The following ITPR1 variants were observed in gnomAD, a reference collection of about 807,000 sequenced individuals.
The protein encoded by ITPR1 is inositol 1,4,5-trisphosphate receptor type 1.
Under a neutral mutation model 318.4 loss-of-function variants are expected in ITPR1, and 96 were observed. That is an observed-to-expected ratio of 0.30 (90% confidence interval 0.26 to 0.36). The LOEUF (loss-of-function observed/expected upper bound fraction) is 0.36. ITPR1 is among the 10% of genes least tolerant of loss of function. The pLI, the probability that ITPR1 is intolerant of heterozygous loss-of-function variation, is 1.00. For synonymous variants in ITPR1, 1,312 were observed against 1,289.9 expected (o/e 1.02, Z -0.37); for missense variants, 2,440 against 3,460.2 (o/e 0.71, Z 7.40).
intron 4 of ITPR1, among the ~76,000 whole-genome samples, chr3:4,529,321 T>A (rs9784254): frequency 0.32 from 48,411 of 152,116 alleles, 8,960 homozygotes; most frequent in African/African-American, 0.51. Flanking sequence ...ATTGAATCAC[T>A]GTATTGCTTT....
intron 12 of ITPR1, among the ~76,000 whole-genome samples, chr3:4,655,776 C>G (rs2093693220): frequency 6.6e-6 from 1 of 152,152 alleles, no homozygotes; most frequent in African/African-American, 2.4e-5. Context: ...TAGACTGCAT[C>G]ACTCTGGCTA....
intron 10 of ITPR1, among the ~76,000 whole-genome samples, chr3:4,649,220 C>G (rs892360911): frequency 9.9e-5 from 15 of 152,186 alleles, no homozygotes; most frequent in African/African-American, 3.4e-4. Flanking sequence ...GTGCCTACTT[C>G]CATTGAGCTG....
At chr3:4,662,364 T>G (rs1462748121) in intron 15 of ITPR1, 122 bp downstream of exon 15, 1 of 767,728 alleles carries the variant, frequency 1.3e-6, no homozygotes, top group Non-Finnish European at 1.9e-6. Flanking sequence ...GGCCTTAGCA[T>G]TTATGGGTGG....
At chr3:4,730,873 C>T (rs766755303) in intron 42 of ITPR1, among the ~76,000 whole-genome samples, 2 of 152,172 alleles carry the variant, frequency 1.3e-5, no homozygotes, top group Non-Finnish European at 2.9e-5. Context: ...ATTCCCGTTG[C>T]GATGGCTACG....
At chr3:4,605,871 C>G (rs1398365388) in intron 4 of ITPR1, among the ~76,000 whole-genome samples, 1 of 152,118 alleles carries the variant, frequency 6.6e-6, no homozygotes, top group African/African-American at 2.4e-5. Flanking sequence ...TCTGCCTCCT[C>G]CAAGGTGAAA....
Position 4,675,231 on chromosome 3 carries a change from A to T in ITPR1, c.2762A>T (p.Asp921Val), listed in dbSNP as rs753192870. The T allele has an allele frequency of 1.2e-6, 2 of 1,610,334 alleles. No individual in the cohort carries two copies. Among genetic ancestry groups the T allele is most frequent in the Non-Finnish European group, 8.5e-7 (1 of 1,178,786 alleles). ...GGAGAAGAGAATAAAGGTAACAATGATGTGGAGAAGCTGAAGAGTGAGTAT... is the reference window on the plus strand; with the variant it reads ...GGAGAAGAGAATAAAGGTAACAATGTTGTGGAGAAGCTGAAGAGTGAGTAT... ...AKGEENKGNN[D>V]VEKLKSSNVM... is the part of the protein sequence containing the mutation. The change falls in exon 23 of 62, where the codon GAT (aspartate) becomes GTT (valine). Residue 921 changes from aspartate (D) to valine (V), a missense_variant. Transcript: ENST00000649015.
At chr3:4,773,462 A>G (rs2046311111) in intron 46 of ITPR1, among the ~76,000 whole-genome samples, 1 of 152,142 alleles carries the variant, frequency 6.6e-6, no homozygotes, top group African/African-American at 2.4e-5. Flanking sequence ...ATCCATAGAG[A>G]CTTGGTTGTT....
intron 12 of ITPR1, among the ~76,000 whole-genome samples, chr3:4,654,650 A>C (rs535530048): frequency 2.0e-5 from 3 of 152,226 alleles, no homozygotes. Flanking sequence ...CGATGATCTC[A>C]GCAGTGGGCA....
chr3:4,545,462 A>G (rs2084883449), intron 4 of ITPR1, among the ~76,000 whole-genome samples: 1 of 152,012 alleles, frequency 6.6e-6, no homozygotes, highest in African/African-American at 2.4e-5. Flanking sequence ...GTCTCTACAG[A>G]AAATAGAATA....
At chr3:4,612,297 G>C (rs2092175084) in intron 4 of ITPR1, among the ~76,000 whole-genome samples, 1 of 151,732 alleles carries the variant, frequency 6.6e-6, no homozygotes, top group African/African-American at 2.4e-5. Context: ...CCTGACCTCA[G>C]GTGATCCGCC....
chr3:4,501,104 C>T (rs1315919095), intron 2 of ITPR1, among the ~76,000 whole-genome samples: 6 of 151,814 alleles, frequency 4.0e-5, no homozygotes, highest in Non-Finnish European at 8.8e-5. Context: ...TCAAACGATC[C>T]TCTCGCCTTG....
chr3:4,748,924 G>A (rs747113326), intron 44 of ITPR1, among the ~76,000 whole-genome samples: 5 of 152,182 alleles, frequency 3.3e-5, no homozygotes, highest in Non-Finnish European at 5.9e-5. Flanking sequence ...CTCGCTGTTC[G>A]TACTGTAGAA....
intron 34 of ITPR1, 125 bp downstream of exon 34, chr3:4,697,397 A>C: frequency 1.2e-6 from 1 of 851,326 alleles, no homozygotes; most frequent in Non-Finnish European, 1.7e-6. Context: ...CATCATTTCT[A>C]CTCTAATCCG....
intron 48 of ITPR1, among the ~76,000 whole-genome samples, chr3:4,777,884 A>G (rs2046579818): frequency 6.6e-6 from 1 of 152,230 alleles, no homozygotes; most frequent in Admixed American, 6.5e-5. Flanking sequence ...AGGGTGGTTA[A>G]TAATGTTGGT....
chr3:4,615,150 A>C (rs6794384), intron 4 of ITPR1, among the ~76,000 whole-genome samples: 13,174 of 152,148 alleles, frequency 0.087, 1,865 homozygotes, highest in African/African-American at 0.3. Context: ...TCCCGTACTG[A>C]CACTTCTCCA....
At chr3:4,777,489 T>TC in intron 48 of ITPR1, 115 bp downstream of exon 48, 1 of 662,586 alleles carries the variant, frequency 1.5e-6, no homozygotes, top group Non-Finnish European at 2.7e-6. Context: ...AGATAGTTCT[T>TC]TAAATGAATG....
At chr3:4,650,950 T>C (rs1295712456) in intron 10 of ITPR1, among the ~76,000 whole-genome samples, 1 of 152,228 alleles carries the variant, frequency 6.6e-6, no homozygotes, top group Non-Finnish European at 1.5e-5. Flanking sequence ...TCTTTTGTTG[T>C]ACACTAAAGT....
chr3:4,790,170 A>C (rs563613063), intron 52 of ITPR1, among the ~76,000 whole-genome samples: 1 of 152,178 alleles, frequency 6.6e-6, no homozygotes, highest in African/African-American at 2.4e-5. Context: ...TTTTTGAGAT[A>C]ATGTCTCCAG....
chr3:4,831,071 T>C (rs946670008), intron 60 of ITPR1: 4 of 455,340 alleles, frequency 8.8e-6, no homozygotes, highest in South Asian at 4.7e-5. Context: ...ATTTGCATCA[T>C]ACAATCCAAC....
Sources: gnomAD v4.1 joint callset for allele counts (sites outside exome capture counted in the v4.1 genomes callset) on GRCh38, gnomAD v4.1.1 for gene constraint, MANE v1.5 for transcripts, NCBI Gene and HGNC (gene_info 2026-07-23, HGNC 2026-07-21) for gene names.